The following ROBO1 variants were observed in gnomAD, a reference collection of about 807,000 sequenced individuals.
ROBO1 encodes the protein roundabout guidance receptor 1.
ROBO1 carries 149 observed loss-of-function variants against 195.9 expected under a neutral mutation model. The ratio of observed to expected loss-of-function variants is 0.76; its 90% CI spans 0.67 to 0.87. The LOEUF is 0.87. ROBO1 is among the 40% of genes least tolerant of loss of function. ROBO1 has a pLI of 0.00. For missense variants in ROBO1, 1,933 were observed against 2,068.3 expected, an observed-to-expected ratio of 0.93 and a Z score of 1.27; for synonymous variants, 816 against 733.2, an observed-to-expected ratio of 1.11 and a Z score of -1.82.
intron 2 of ROBO1, among the ~76,000 whole-genome samples, chr3:79,285,178 C>T (rs1019031088): frequency 1.3e-5 from 2 of 151,954 alleles, no homozygotes; most frequent in Admixed American, 6.6e-5. Context: ...TATGGCTAAC[C>T]GATTAAAGAC....
At chr3:79,678,152 T>G (rs1246050929) in intron 1 of ROBO1, among the ~76,000 whole-genome samples, 1 of 152,086 alleles carries the variant, frequency 6.6e-6, no homozygotes, top group Non-Finnish European at 1.5e-5. Context: ...TATCAGTTAC[T>G]GGTCATTAAA....
At chr3:78,800,458 AC>A (rs141800418) in intron 4 of ROBO1, among the ~76,000 whole-genome samples, 1 of 152,300 alleles carries the variant, frequency 6.6e-6, no homozygotes, top group African/African-American at 2.4e-5. Context: ...CCCTGCCCTC[AC>A]TGTCAGAATA....
intron 8 of ROBO1, among the ~76,000 whole-genome samples, chr3:78,704,028 C>T (rs958338969): frequency 2.0e-5 from 3 of 152,008 alleles, no homozygotes; most frequent in Non-Finnish European, 4.4e-5. Context: ...TTGGGGGGGT[C>T]TCATAATATG....
intron 1 of ROBO1, among the ~76,000 whole-genome samples, chr3:79,749,607 G>A (rs190204744): frequency 3.9e-4 from 60 of 152,276 alleles, no homozygotes; most frequent in Admixed American, 1.9e-3. Context: ...GTTCAGCCTA[G>A]GGACTTGGTG....
intron 3 of ROBO1, among the ~76,000 whole-genome samples, chr3:78,945,292 A>C (rs1346109921): frequency 1.3e-5 from 2 of 152,148 alleles, no homozygotes; most frequent in East Asian, 3.9e-4. Context: ...CTGACACCTC[A>C]CACGGCCGGG....
At chr3:78,685,685 C>A in intron 10 of ROBO1, 61 bp downstream of exon 10, 1 of 1,206,112 alleles carries the variant, frequency 8.3e-7, no homozygotes. Context: ...TATCTACTGG[C>A]ACCCTCTCTG....
intron 2 of ROBO1, among the ~76,000 whole-genome samples, chr3:79,143,076 CAG>C (rs991832300): frequency 1.3e-5 from 2 of 152,004 alleles, no homozygotes; most frequent in African/African-American, 4.8e-5. Context: ...AATGAATGGT[CAG>C]AGTTGCACTA....
intron 14 of ROBO1, among the ~76,000 whole-genome samples, chr3:78,664,721 G>T (rs1339813071): frequency 6.6e-6 from 1 of 152,146 alleles, no homozygotes; most frequent in African/African-American, 2.4e-5. Context: ...TGCAGAAATG[G>T]TTAGAGAAAT....
intron 7 of ROBO1, chr3:78,715,372 G>A (rs1314389658): frequency 1.3e-5 from 2 of 151,980 alleles, no homozygotes; most frequent in African/African-American, 4.8e-5. Context: ...TGTCATTTTA[G>A]TCTTAGAAAT....
chr3:79,227,846 G>A lies in ROBO1; in HGVS notation c.89-102307C>T, dbSNP rs143707605. ...TCTATTTATTTATATACCTTAGCAT[G>A]TTTATTCGAGTGGTCTCAGAGATAC... is the stretch of plus-strand genomic sequence containing the variant. On this transcript the variant is annotated intron_variant, in intron 2 of 30. Transcript: ENST00000464233. Among the ~76,000 whole-genome samples the A allele has an allele frequency of 1.4e-4, 22 of 152,242 alleles. No homozygotes were observed. The East Asian group carries it at 4.2e-3, about 29-fold the overall frequency.
At chr3:78,883,023 G>C (rs184069670) in intron 4 of ROBO1, among the ~76,000 whole-genome samples, 1 of 152,012 alleles carries the variant, frequency 6.6e-6, no homozygotes, top group East Asian at 1.9e-4. Context: ...ATGTTGGCCA[G>C]GCCGGTCTTG....
At chr3:78,758,922 C>T (rs1340605806) in intron 4 of ROBO1, 4 of 152,162 alleles carry the variant, frequency 2.6e-5, no homozygotes. Context: ...TTCCTGTTAC[C>T]CCAAATCACG....
chr3:79,448,330 G>A (rs1451075438), intron 2 of ROBO1, among the ~76,000 whole-genome samples: 1 of 152,114 alleles, frequency 6.6e-6, no homozygotes, highest in Non-Finnish European at 1.5e-5. Context: ...TTTATAGCAA[G>A]AAGTTTTCTC....
intron 1 of ROBO1, among the ~76,000 whole-genome samples, chr3:79,763,507 G>A (rs953887450): frequency 6.6e-6 from 1 of 152,100 alleles, no homozygotes; most frequent in Non-Finnish European, 1.5e-5. Context: ...CTAGACAAAT[G>A]GATAGGGTTT....
chr3:79,393,666 C>CT (rs2037036957), intron 2 of ROBO1, among the ~76,000 whole-genome samples: 1 of 152,090 alleles, frequency 6.6e-6, no homozygotes, highest in African/African-American at 2.4e-5. Context: ...GTGGCAGAAA[C>CT]TGGAGGAGAG....
intron 5 of ROBO1, among the ~76,000 whole-genome samples, chr3:78,731,392 A>G (rs905498300): frequency 2.6e-5 from 4 of 152,162 alleles, no homozygotes; most frequent in African/African-American, 4.8e-5. Flanking sequence ...GAAAGCCTGC[A>G]CTAGAAGTTA....
chr3:79,138,292 ACT>A (rs1425581160), intron 2 of ROBO1, among the ~76,000 whole-genome samples: 1 of 151,918 alleles, frequency 6.6e-6, no homozygotes, highest in Non-Finnish European at 1.5e-5. Flanking sequence ...CACAATCAAT[ACT>A]TTTTTTGTTG....
rs2107796780 is a variant in ROBO1 at position 79,583,770 on chromosome 3, A to T, written c.88+6054T>A. 2.6e-5 allele frequency among the ~76,000 whole-genome samples: 4 copies of T among 152,144 alleles called. 1 individual carries two copies. Among genetic ancestry groups the T allele is most frequent in the Middle Eastern group, 6.8e-3 (2 of 294 alleles). On this transcript the variant is annotated intron_variant, in intron 2 of 30. Transcript: ENST00000464233. Reference sequence around the variant, plus strand: ...TACTCTTGTTCTAAGCAAAATGATGATCACAACGATGAACTATGCAAGTAA... The same window carrying T: ...TACTCTTGTTCTAAGCAAAATGATGTTCACAACGATGAACTATGCAAGTAA...
chr3:79,445,830 T>C (rs1013805491), intron 2 of ROBO1, among the ~76,000 whole-genome samples: 1 of 151,906 alleles, frequency 6.6e-6, no homozygotes, highest in Non-Finnish European at 1.5e-5. Context: ...CCCGGCTAAT[T>C]TTTAGTACAG....
Sources: allele counts gnomAD v4.1 joint callset (sites outside exome capture counted in the v4.1 genomes callset), GRCh38; gene constraint gnomAD v4.1.1; transcripts MANE v1.5; gene names NCBI Gene and HGNC (gene_info 2026-07-23, HGNC 2026-07-21).